The following MRAP2 variants were observed in gnomAD, a reference collection of about 807,000 sequenced individuals.
MRAP2 encodes the protein melanocortin 2 receptor accessory protein 2, also known as melanocortin-2 receptor accessory protein 2.
MRAP2 carries 20 observed loss-of-function variants against 17.4 expected under a neutral mutation model. The ratio of observed to expected loss-of-function variants is 1.15; its 90% CI spans 0.81 to 1.67. MRAP2 has a LOEUF of 1.67. MRAP2 is among the 40% of genes most tolerant of loss of function. The pLI is 0.00. For missense variants in MRAP2, 238 were observed against 240.0 expected, an observed-to-expected ratio of 0.99 and a Z score of 0.05; for synonymous variants, 96 against 88.4, an observed-to-expected ratio of 1.09 and a Z score of -0.48.
At chr6:84,105,736 C>A in the MRAP2 span, among the ~76,000 whole-genome samples, 2 of 152,148 alleles carry the variant, frequency 1.3e-5, no homozygotes, top group Admixed American at 6.5e-5. Context: ...ATCATAACTT[C>A]CTTCTTGGTC....
chr6:84,136,850 T>C, the MRAP2 span, among the ~76,000 whole-genome samples: 4 of 152,218 alleles, frequency 2.6e-5, no homozygotes, highest in African/African-American at 9.6e-5. Context: ...GACCTTGGGT[T>C]CAATCACTTT....
the MRAP2 span, among the ~76,000 whole-genome samples, chr6:84,103,665 A>G: frequency 1.3e-5 from 2 of 152,220 alleles, no homozygotes; most frequent in Non-Finnish European, 2.9e-5. Context: ...AATCCTTTTC[A>G]GAAAACCATT....
intron 3 of MRAP2, among the ~76,000 whole-genome samples, chr6:84,070,019 T>G (rs2099495803): frequency 6.6e-6 from 1 of 152,272 alleles, no homozygotes; most frequent in East Asian, 1.9e-4. Context: ...TTTATCAATT[T>G]TATTTATCTT....
chr6:84,055,763 C>G (rs959392217), intron 2 of MRAP2, among the ~76,000 whole-genome samples: 6 of 152,138 alleles, frequency 3.9e-5, no homozygotes, highest in Non-Finnish European at 7.4e-5. Flanking sequence ...AATGTTTGAA[C>G]TATCAAAAAT....
At chr6:84,096,879 C>T in the MRAP2 span, among the ~76,000 whole-genome samples, 2 of 152,164 alleles carry the variant, frequency 1.3e-5, no homozygotes, top group Non-Finnish European at 2.9e-5. Context: ...ACATCCCTAG[C>T]AGCTGGGAAC....
chr6:84,102,821 G>A, the MRAP2 span, among the ~76,000 whole-genome samples: 2 of 152,016 alleles, frequency 1.3e-5, no homozygotes, highest in Non-Finnish European at 2.9e-5. Flanking sequence ...AAAAAATAAT[G>A]TGAGGTGGGC....
intron 1 of MRAP2, among the ~76,000 whole-genome samples, chr6:84,039,003 A>C (rs1167355895): frequency 6.6e-6 from 1 of 152,226 alleles, no homozygotes; most frequent in Non-Finnish European, 1.5e-5. Context: ...TAGAGTAGCA[A>C]TCTGTGTTTA....
chr6:84,130,598 G>A, the MRAP2 span, among the ~76,000 whole-genome samples: 1 of 152,158 alleles, frequency 6.6e-6, no homozygotes, highest in South Asian at 2.1e-4. Flanking sequence ...GGGTGTATGT[G>A]TCCAGGAATT....
At chr6:84,121,627 G>A in the MRAP2 span, among the ~76,000 whole-genome samples, 1 of 152,078 alleles carries the variant, frequency 6.6e-6, no homozygotes, top group African/African-American at 2.4e-5. Context: ...CTGGGTGACG[G>A]AGTAAGACTC....
At chr6:84,119,632 A>G in the MRAP2 span, among the ~76,000 whole-genome samples, 1 of 152,240 alleles carries the variant, frequency 6.6e-6, no homozygotes, top group African/African-American at 2.4e-5. Flanking sequence ...ACCAACTGAC[A>G]TAATTATATT....
chr6:84,051,925 A>G (rs1480021558), intron 1 of MRAP2, among the ~76,000 whole-genome samples: 1 of 152,200 alleles, frequency 6.6e-6, no homozygotes, highest in Non-Finnish European at 1.5e-5. Flanking sequence ...CGTCTTCCCC[A>G]ACAATGGGCT....
chr6:84,076,311 C>T (rs2099497597), intron 3 of MRAP2, among the ~76,000 whole-genome samples: 2 of 151,836 alleles, frequency 1.3e-5, no homozygotes, highest in African/African-American at 2.4e-5. Context: ...GCAACCTCCA[C>T]CACCTGGGTT....
At chr6:84,058,814 G>T (rs2099492344) in intron 2 of MRAP2, among the ~76,000 whole-genome samples, 1 of 152,224 alleles carries the variant, frequency 6.6e-6, no homozygotes, top group Non-Finnish European at 1.5e-5. Flanking sequence ...GACAGTCTGT[G>T]TCAAATGCTG....
At chr6:84,073,635 T>A (rs1391998709) in intron 3 of MRAP2, among the ~76,000 whole-genome samples, 5 of 152,226 alleles carry the variant, frequency 3.3e-5, no homozygotes, top group Non-Finnish European at 2.9e-5. Context: ...TTATTTGTTT[T>A]TATCACATAC....
At chr6:84,139,933 G>GCTGGTGTGTTCACGGTTCTCATCAGA in the MRAP2 span, among the ~76,000 whole-genome samples, 1 of 151,142 alleles carries the variant, frequency 6.6e-6, no homozygotes, top group African/African-American at 2.5e-5. Context: ...ACCCTCTCAG[G>GCTGGTGTGTTCACGGTTCTCATCAGA]CTGGTGTGTT....
rs111934273 is a variant in MRAP2, at chr6:84,068,954, C to CCA, written c.227+5964_227+5965dup. ...AAAGTGCTAGGATTATAGGCATGAG[C>CCA]CACTGTGCCCGGCCTGCTGAATTCT... On this transcript the variant is annotated intron_variant, in intron 3 of 3. Transcript: ENST00000257776. Among the ~76,000 whole-genome samples the CCA allele has an allele frequency of 9.7e-3, 1,475 of 152,062 alleles. 32 individuals carry two copies. The highest frequency in any genetic ancestry group is 0.033 in the African/African-American group (1,364 of 41,468).
At chr6:84,084,932 CTTTATTTTATTTT>C (rs2099499994) in intron 3 of MRAP2, among the ~76,000 whole-genome samples, 1 of 99,438 alleles carries the variant, frequency 1.0e-5, no homozygotes, top group African/African-American at 4.2e-5. Context: ...TTTTATTTTA[CTTTATTTTATTTT>C]ATTTTATTTT....
the MRAP2 span, among the ~76,000 whole-genome samples, chr6:84,127,619 A>C: frequency 6.6e-6 from 1 of 152,172 alleles, no homozygotes; most frequent in African/African-American, 2.4e-5. Context: ...AAAGCTGATA[A>C]AGGCATAGTC....
chr6:84,072,191 C>T lies in MRAP2; in HGVS notation c.227+9199C>T, dbSNP rs562369725. Among the ~76,000 whole-genome samples, 15 of 152,262 alleles carry T rather than the reference C, an allele frequency of 9.9e-5. No homozygotes were observed. The East Asian group carries it at 2.7e-3, about 27-fold the overall frequency. ...CAGAATTAGTTTTCTGGTTTCTTCT[C>T]ATTTGGGTAGGCTCTGTCAGAGGGA... On this transcript the variant is annotated intron_variant, in intron 3 of 3. Coordinates refer to ENST00000257776, the MANE Select transcript of MRAP2 (RefSeq NM_138409.4).
Sources: gnomAD v4.1 joint callset for allele counts (sites outside exome capture counted in the v4.1 genomes callset) on GRCh38, gnomAD v4.1.1 for gene constraint, MANE v1.5 for transcripts, NCBI Gene and HGNC (gene_info 2026-07-23, HGNC 2026-07-21) for gene names.